The following CPNE9 variants were observed in gnomAD, a reference collection of about 807,000 sequenced individuals.
CPNE9 encodes the protein copine family member 9, also known as copine-9.
In CPNE9, 59 loss-of-function variants were observed where a neutral mutation model predicts 83.0. The ratio of observed to expected loss-of-function variants is 0.71; its 90% CI spans 0.58 to 0.88. CPNE9 has a LOEUF of 0.88. Ranked by LOEUF, CPNE9 falls within the 40% of genes least tolerant of loss-of-function variation. CPNE9 has a pLI of 0.00. For missense variants in CPNE9, 619 were observed against 720.8 expected (o/e 0.86, Z 1.62); for synonymous variants, 256 against 273.4 (o/e 0.94, Z 0.63).
intron 18 of CPNE9, among the ~76,000 whole-genome samples, 184 bp from the exon 19 acceptor site, chr3:9,726,481 A>G (rs2076785986): frequency 6.6e-6 from 1 of 152,178 alleles, no homozygotes; most frequent in Non-Finnish European, 1.5e-5. Context: ...AAAATACTAT[A>G]TCTTTCAAGG....
At chr3:9,708,429 C>A (rs1350312005) in intron 7 of CPNE9, among the ~76,000 whole-genome samples, 1 of 152,136 alleles carries the variant, frequency 6.6e-6, no homozygotes, top group Non-Finnish European at 1.5e-5. Flanking sequence ...GGAGAAGAAC[C>A]AAGAGAGGGT....
chr3:9,725,254 A>T (rs182020693), intron 17 of CPNE9, among the ~76,000 whole-genome samples: 2 of 152,196 alleles, frequency 1.3e-5, no homozygotes, highest in Admixed American at 1.3e-4. Flanking sequence ...CTGAAGGCAG[A>T]CCAGGCACGG....
chr3:9,711,789 C>T (rs1158404366), intron 7 of CPNE9, among the ~76,000 whole-genome samples: 2 of 152,154 alleles, frequency 1.3e-5, no homozygotes, highest in Non-Finnish European at 2.9e-5. Context: ...CATTCAAGCA[C>T]ATGGAAGTGT....
At chr3:9,705,881 C>T (rs890037442) in intron 6 of CPNE9, 106 bp from the exon 7 acceptor site, 2 of 1,391,864 alleles carry the variant, frequency 1.4e-6, no homozygotes, top group East Asian at 2.3e-5. Context: ...TTGCACCACT[C>T]ATTCGCCTGG....
At position 9,717,919 on chromosome 3, in the gene CPNE9, G is replaced by A. The variant is rs947776345; in HGVS notation, c.932-110G>A. ...GGGTAAAATAAGGAGGGAGGACATG[G>A]GTAGAGGGCAGATAAATGGATATAG... On this transcript the variant is annotated intron_variant, in intron 15 of 20. Coordinates refer to ENST00000383832, the MANE Select transcript of CPNE9 (RefSeq NM_153635.3). 8 of 870,536 alleles carry A rather than the reference G, an allele frequency of 9.2e-6. No homozygotes were observed. The African/African-American group carries it at 1.4e-4, about 15-fold the overall frequency. 53.9% of individuals were successfully genotyped at this position (870,536 alleles called of 1,614,324 possible).
In CPNE9 at chr3:9,729,647, AC is replaced by A. The variant is rs1163581982; in HGVS notation, c.1622del (p.Pro541LeufsTer56). The A allele has an allele frequency of 6.2e-7, 1 of 1,611,654 alleles. No individual in the cohort carries two copies. Among genetic ancestry groups the A allele is most frequent in the South Asian group, 1.1e-5 (1 of 90,926 alleles). On this transcript the variant is annotated frameshift_variant, in exon 21 of 21. Transcript: ENST00000383832. LOFTEE classifies it high-confidence loss of function. ...RTRDIQPRPPPPANPSPIPAP... is the reference protein window; with the variant it reads ...RTRDIQPRPPXPANPSPIPAP... ...CCAGAGACATCCAGCCTCGGCCCCCACCCCCTGCCAACCCCAGCCCGATCCC... is the reference window on the plus strand; with the variant it reads ...CCAGAGACATCCAGCCTCGGCCCCCACCCCTGCCAACCCCAGCCCGATCCC...
Position 9,726,719 on chromosome 3 carries a change from G to A in CPNE9, c.1399G>A (p.Glu467Lys). The A allele has an allele frequency of 6.2e-7, 1 of 1,613,872 alleles. No homozygotes were observed. The highest frequency in any genetic ancestry group is 8.5e-7 in the Non-Finnish European group (1 of 1,179,806). Reference protein sequence around the residue: ...IIVGVGPAMFEAMEELDGDDV... With the variant: ...IIVGVGPAMFKAMEELDGDDV... The stretch of plus-strand genomic sequence containing the variant: ...CGTCGGTGTAGGACCAGCCATGTTT[G>A]AGGGTGAGTAGGAAGGGGTGTCCCT... Residue 467 changes from glutamate (E) to lysine (K), a missense_variant, in exon 19 of 21, where the codon GAG (glutamate) becomes AAG (lysine). Physicochemically the swap from Glu to Lys is moderately conservative, Grantham distance 56. Around this residue, in one of 3 missense-constraint regions of CPNE9, gnomAD observed 438 missense variants for 562.9 expected, o/e 0.78. Coordinates refer to ENST00000383832, the MANE Select transcript of CPNE9 (RefSeq NM_153635.3).
chr3:9,729,679 C>G lies in CPNE9; in HGVS notation c.1649C>G (p.Pro550Arg), dbSNP rs767248199. The G allele has an allele frequency of 1.1e-5, 17 of 1,613,472 alleles. No homozygotes were observed. The highest frequency in any genetic ancestry group is 1.4e-5 in the Non-Finnish European group (17 of 1,179,590). The change falls in exon 21 of 21, where the codon CCA becomes CGA. Residue 550 changes from proline (P) to arginine (R), a missense_variant. By Grantham distance (103) the Pro-to-Arg change is moderately radical. Around this residue, in one of 3 missense-constraint regions of CPNE9, gnomAD observed 51 missense variants for 40.4 expected, o/e 1.26. Coordinates refer to ENST00000383832, the MANE Select transcript of CPNE9 (RefSeq NM_153635.3). The stretch of plus-strand genomic sequence containing the variant: ...GCCAACCCCAGCCCGATCCCAGCTC[C>G]AGAGCAGCCCTGAGGATTCCACATA... ...PPANPSPIPA[P>R]EQP
intron 14 of CPNE9, 27 bp downstream of exon 14, chr3:9,716,062 G>T: frequency 6.3e-7 from 1 of 1,588,198 alleles, no homozygotes; most frequent in Non-Finnish European, 8.6e-7. Flanking sequence ...GCTCTGGGCT[G>T]AAAGCCCGGC....
chr3:9,711,209 AT>A (rs916056977), intron 7 of CPNE9, among the ~76,000 whole-genome samples: 1 of 151,910 alleles, frequency 6.6e-6, no homozygotes, highest in Non-Finnish European at 1.5e-5. Context: ...CGAATTATTT[AT>A]TTATTTTTTT....
intron 7 of CPNE9, among the ~76,000 whole-genome samples, chr3:9,707,901 CATCCAAGTGGAGGT>C (rs2076580408): frequency 6.6e-6 from 1 of 151,446 alleles, no homozygotes; most frequent in South Asian, 2.1e-4. Flanking sequence ...AAATGTTAGA[CATCCAAGTGGAGGT>C]ATCAAATGAG....
At chr3:9,717,894 G>A in intron 15 of CPNE9, 135 bp from the exon 16 acceptor site, 1 of 677,634 alleles carries the variant, frequency 1.5e-6, no homozygotes, top group Non-Finnish European at 2.4e-6. Context: ...ATGGATGATT[G>A]GGTAAAATAA....
intron 7 of CPNE9, among the ~76,000 whole-genome samples, chr3:9,707,352 C>CAAA (rs779965477): frequency 0.2 from 10,320 of 50,758 alleles, 1,285 homozygotes; most frequent in Non-Finnish European, 0.28. Context: ...GATTCTGTCT[C>CAAA]AAAAAAAAAA....
chr3:9,725,662 A>ATG (rs1463409194), intron 17 of CPNE9, among the ~76,000 whole-genome samples: 1 of 59,918 alleles, frequency 1.7e-5, no homozygotes, highest in Non-Finnish European at 3.0e-5. Context: ...ATGTGTATAT[A>ATG]TGTATATATA....
chr3:9,718,834 CTTTTTTT>C (rs750687755), intron 17 of CPNE9, among the ~76,000 whole-genome samples: 2 of 117,602 alleles, frequency 1.7e-5, no homozygotes, highest in African/African-American at 3.4e-5. Context: ...GACCCCATCT[CTTTTTTT>C]TTTTTTTTTT....
At chr3:9,711,347 C>T (rs957226137) in intron 7 of CPNE9, among the ~76,000 whole-genome samples, 1 of 151,836 alleles carries the variant, frequency 6.6e-6, no homozygotes, top group Non-Finnish European at 1.5e-5. Context: ...GCATTACAGG[C>T]GCCCGCCACC....
Position 9,709,364 on chromosome 3 carries a change from A to ATTTT in CPNE9, c.378-3163_378-3160dup, listed in dbSNP as rs1199207151. Among the ~76,000 whole-genome samples, 3 of 137,078 alleles carry ATTTT rather than the reference A, an allele frequency of 2.2e-5. No homozygotes were observed. In the East Asian group the frequency reaches 6.5e-4, roughly 30 times the overall value. The allele number at this position is 137,078 out of a possible 152,430, so 89.9% of individuals were successfully genotyped here. On this transcript the variant is annotated intron_variant, in intron 7 of 20. Coordinates refer to ENST00000383832, the MANE Select transcript of CPNE9 (RefSeq NM_153635.3). ...AAGAGAGGTCAAGAATAAGTTTATA[A>ATTTT]TTTTTTTTTTTTTTTTTGAGACAGA... is the stretch of plus-strand genomic sequence containing the variant.
chr3:9,708,745 G>A, intron 7 of CPNE9, among the ~76,000 whole-genome samples: 1 of 152,000 alleles, frequency 6.6e-6, no homozygotes, highest in Non-Finnish European at 1.5e-5. Flanking sequence ...CCATTCTCCT[G>A]CCTCAGCCTC....
At position 9,715,527 on chromosome 3, in the gene CPNE9, G is replaced by A; in HGVS notation, c.822+1G>A. The A allele has an allele frequency of 6.2e-7, 1 of 1,613,376 alleles. No individual in the cohort carries two copies. Among genetic ancestry groups the A allele is most frequent in the Non-Finnish European group, 8.5e-7 (1 of 1,179,284 alleles). ...GAAGAAATATGTCAACTCAGGAACT[G>A]TGAGTGCTCCCTAGAGCCGTGGCCC... On this transcript the variant is annotated splice_donor_variant, in intron 13 of 20. Coordinates refer to ENST00000383832, the MANE Select transcript of CPNE9 (RefSeq NM_153635.3). LOFTEE classifies it high-confidence loss of function.
Sources: gnomAD v4.1 joint callset for allele counts (sites outside exome capture counted in the v4.1 genomes callset) on GRCh38, gnomAD v4.1.1 for gene constraint, gnomAD v4.1.1 regional missense constraint, MANE v1.5 for transcripts, NCBI Gene and HGNC (gene_info 2026-07-23, HGNC 2026-07-21) for gene names.